KCNH8: variants seen among roughly 807,000 people sequenced by gnomAD.
The protein encoded by KCNH8 is potassium voltage-gated channel subfamily H member 8.
KCNH8 carries 70 observed loss-of-function variants against 103.6 expected under a neutral mutation model. The observed-to-expected ratio is 0.68, with a 90% CI of 0.56 to 0.82. The LOEUF (loss-of-function observed/expected upper bound fraction) is 0.82, where lower values mean the gene tolerates loss of function less well. KCNH8 is among the 40% of genes least tolerant of loss of function. KCNH8 has a pLI of 0.00. For synonymous variants in KCNH8, 498 were observed against 489.4 expected (o/e 1.02, Z -0.23); for missense variants, 1,217 against 1,329.9 (o/e 0.92, Z 1.32).
chr3:19,386,537 T>A (rs2066359198), intron 5 of KCNH8, among the ~76,000 whole-genome samples: 1 of 152,126 alleles, frequency 6.6e-6, no homozygotes, highest in African/African-American at 2.4e-5. Flanking sequence ...AGGTGAAAAA[T>A]CCTTTTGAGT....
At chr3:19,498,346 T>TA (rs768269984) in intron 11 of KCNH8, among the ~76,000 whole-genome samples, 16 of 152,204 alleles carry the variant, frequency 1.1e-4, no homozygotes, top group Non-Finnish European at 2.1e-4. Flanking sequence ...TCTGTGTACT[T>TA]AAGTGTGTTT....
At chr3:19,340,350 T>TA (rs1335790273) in intron 3 of KCNH8, among the ~76,000 whole-genome samples, 7 of 125,610 alleles carry the variant, frequency 5.6e-5, no homozygotes, top group African/African-American at 2.3e-4. Flanking sequence ...TTTTTATTTT[T>TA]TTTTTAATTT....
At chr3:19,459,143 T>C (rs2067580802) in intron 11 of KCNH8, among the ~76,000 whole-genome samples, 1 of 152,052 alleles carries the variant, frequency 6.6e-6, no homozygotes, top group African/African-American at 2.4e-5. Flanking sequence ...CATATGGTAC[T>C]TCTATTTTTA....
chr3:19,508,724 C>T (rs540258738), intron 11 of KCNH8, among the ~76,000 whole-genome samples: 1 of 152,276 alleles, frequency 6.6e-6, no homozygotes, highest in South Asian at 2.1e-4. Flanking sequence ...TTTCAGGCCC[C>T]ACCTCAGACC....
At chr3:19,405,487 A>G (rs114082406) in intron 7 of KCNH8, among the ~76,000 whole-genome samples, 3,709 of 151,964 alleles carry the variant, frequency 0.024, 69 homozygotes, top group Middle Eastern at 0.041. Flanking sequence ...TTTAGCTACT[A>G]GCTTGAGAAA....
chr3:19,427,052 G>C (rs1470126496), intron 7 of KCNH8, among the ~76,000 whole-genome samples: 1 of 152,060 alleles, frequency 6.6e-6, no homozygotes, highest in Non-Finnish European at 1.5e-5. Context: ...ACATGGCCAG[G>C]AACAGAAACA....
At chr3:19,425,452 AACCTGAACATTGTGCATGTTCAC>A (rs1384141059) in intron 7 of KCNH8, among the ~76,000 whole-genome samples, 1 of 152,152 alleles carries the variant, frequency 6.6e-6, no homozygotes, top group Non-Finnish European at 1.5e-5. Context: ...TTCACACAAC[AACCTGAACATTGTGCATGTTCAC>A]TAAATATTTT....
At position 19,534,823 on chromosome 3, in the gene KCNH8, A is replaced by C. The variant is rs2069240008; in HGVS notation, c.*724A>C. 6.6e-6 allele frequency: 1 copy of C among 152,364 alleles called. No homozygotes were observed. Among genetic ancestry groups the C allele is most frequent in the Non-Finnish European group, 1.5e-5 (1 of 68,044 alleles). 9.4% of individuals were successfully genotyped at this position (152,364 alleles called of 1,614,324 possible). A position where few individuals can be genotyped will look rare whatever the true frequency, so the allele number is the denominator to read the frequency against. On this transcript the variant is annotated 3_prime_UTR_variant, in exon 16 of 16. Transcript: ENST00000328405. Reference sequence around the variant, plus strand: ...GCACTACTGTTGTGTATAGTAGATCAAAAATTATTTATTACTAAGAGGATG... The same window carrying C: ...GCACTACTGTTGTGTATAGTAGATCCAAAATTATTTATTACTAAGAGGATG...
chr3:19,467,300 G>GTC (rs1553602412), intron 11 of KCNH8, among the ~76,000 whole-genome samples: 1 of 148,530 alleles, frequency 6.7e-6, no homozygotes, highest in African/African-American at 2.5e-5. Flanking sequence ...TGTATAAGTA[G>GTC]ACACACACAC....
intron 1 of KCNH8, among the ~76,000 whole-genome samples, chr3:19,233,123 G>A (rs1262000082): frequency 7.8e-6 from 1 of 127,520 alleles, no homozygotes; most frequent in Non-Finnish European, 1.5e-5. Context: ...ATCTCTGTCT[G>A]GAGCTGTTAA....
chr3:19,383,141 C>T (rs959443872), intron 5 of KCNH8, among the ~76,000 whole-genome samples: 5 of 151,952 alleles, frequency 3.3e-5, no homozygotes, highest in Admixed American at 2.6e-4. Flanking sequence ...AGATAAGGAG[C>T]CATAATATTT....
In KCNH8 at chr3:19,515,568, T is replaced by G; in HGVS notation, c.2542+140T>G. On this transcript the variant is annotated intron_variant, in intron 14 of 15. Transcript: ENST00000328405. ...ATAGAACCTTACCAATACCATTGAATAATTTGACATGAGTTTATGCCATTT... is the reference window on the plus strand; with the variant it reads ...ATAGAACCTTACCAATACCATTGAAGAATTTGACATGAGTTTATGCCATTT... The G allele has an allele frequency of 2.1e-5, 9 of 425,136 alleles. No homozygotes were observed. The Middle Eastern group carries it at 4.8e-3, about 226-fold the overall frequency. The allele number at this position is 425,136 out of a possible 1,614,324, so 26.3% of individuals were successfully genotyped here. A position where few individuals can be genotyped will look rare whatever the true frequency, so the allele number is the denominator to read the frequency against.
At position 19,170,805 on chromosome 3, in the gene KCNH8, TATA is replaced by T. The variant is rs1406523374; in HGVS notation, c.76+22011_76+22013del. On this transcript the variant is annotated intron_variant, in intron 1 of 15. Coordinates refer to ENST00000328405, the MANE Select transcript of KCNH8 (RefSeq NM_144633.3). ...ACACACACACATATATATATATATA[TATA>T]TATTTTTTTTTTTTTTTTTGAGACG... Among the ~76,000 whole-genome samples the T allele has an allele frequency of 1.2e-3, 142 of 118,924 alleles. 11 individuals carry two copies. Among genetic ancestry groups the T allele is most frequent in the African/African-American group, 5.4e-3 (135 of 24,790 alleles). The allele number at this position is 118,924 out of a possible 152,430, so 78.0% of individuals were successfully genotyped here.
At chr3:19,385,745 A>G (rs1375778143) in intron 5 of KCNH8, among the ~76,000 whole-genome samples, 1 of 152,108 alleles carries the variant, frequency 6.6e-6, no homozygotes, top group African/African-American at 2.4e-5. Flanking sequence ...TTCTAGCTCA[A>G]ATTTGCTGTG....
intron 7 of KCNH8, among the ~76,000 whole-genome samples, chr3:19,400,427 T>C (rs1259980014): frequency 6.6e-6 from 1 of 151,766 alleles, no homozygotes; most frequent in East Asian, 1.9e-4. Flanking sequence ...TAGCTCCCAT[T>C]TTATAGCTAA....
intron 5 of KCNH8, among the ~76,000 whole-genome samples, chr3:19,372,938 G>C (rs1336974375): frequency 6.6e-6 from 1 of 151,920 alleles, no homozygotes; most frequent in African/African-American, 2.4e-5. Flanking sequence ...TATTGAACCA[G>C]CCTTGCATCC....
intron 5 of KCNH8, among the ~76,000 whole-genome samples, chr3:19,369,821 C>G (rs893282924): frequency 1.3e-5 from 2 of 151,946 alleles, no homozygotes; most frequent in Non-Finnish European, 2.9e-5. Flanking sequence ...ACCTCCTAAC[C>G]ACCTATTTTT....
Position 19,214,051 on chromosome 3 carries a change from G to C in KCNH8, c.77-39603G>C, listed in dbSNP as rs1029636421. 2.0e-5 allele frequency among the ~76,000 whole-genome samples: 3 copies of C among 152,156 alleles called. 1 individual carries two copies. The highest frequency in any genetic ancestry group is 7.2e-5 in the African/African-American group (3 of 41,444). ...CCGCCTGCCCGTGGGATTAGTTGCT[G>C]ATCATCTGCTCTGGGCTGGCACTCA... On this transcript the variant is annotated intron_variant, in intron 1 of 15. Transcript: ENST00000328405.
intron 5 of KCNH8, among the ~76,000 whole-genome samples, chr3:19,386,302 TTACTC>T (rs2066355459): frequency 6.6e-6 from 1 of 152,290 alleles, no homozygotes; most frequent in South Asian, 2.1e-4. Context: ...GGCAAACTGA[TTACTC>T]TGCAAAATAA....
Sources: gnomAD v4.1 joint callset for allele counts (sites outside exome capture counted in the v4.1 genomes callset) on GRCh38, gnomAD v4.1.1 for gene constraint, MANE v1.5 for transcripts, NCBI Gene and HGNC (gene_info 2026-07-23, HGNC 2026-07-21) for gene names.